The following ADI1 variants were observed in gnomAD, a reference collection of about 807,000 sequenced individuals.
The protein encoded by ADI1 is acireductone dioxygenase 1.
Under a neutral mutation model 18.7 loss-of-function variants are expected in ADI1, and 21 were observed. The ratio of observed to expected loss-of-function variants is 1.13; its 90% CI spans 0.80 to 1.62. The LOEUF (loss-of-function observed/expected upper bound fraction) is 1.62, where lower values mean the gene tolerates loss of function less well. ADI1 is among the 40% of genes most tolerant of loss of function. The pLI, the probability that ADI1 is intolerant of heterozygous loss-of-function variation, is 0.00. For missense variants in ADI1, 245 were observed against 254.9 expected (o/e 0.96, Z 0.26); for synonymous variants, 90 against 100.1 (o/e 0.90, Z 0.60).
intron 3 of ADI1, among the ~76,000 whole-genome samples, chr2:3,499,360 C>T (rs1255526627): frequency 2.0e-5 from 3 of 152,168 alleles, no homozygotes; most frequent in African/African-American, 7.2e-5. Flanking sequence ...TATAGAGACA[C>T]ACAGTCAGGA....
intron 3 of ADI1, 135 bp downstream of exon 3, chr2:3,500,679 G>A (rs770963158): frequency 3.2e-5 from 38 of 1,190,174 alleles, no homozygotes; most frequent in Non-Finnish European, 4.6e-5. Flanking sequence ...GACTCTCCTT[G>A]AAGCACAGGT....
intron 1 of ADI1, among the ~76,000 whole-genome samples, chr2:3,518,283 G>A (rs188177562): frequency 6.6e-6 from 1 of 152,130 alleles, no homozygotes; most frequent in Non-Finnish European, 1.5e-5. Context: ...AGATTATGCT[G>A]GAATATTCTA....
At chr2:3,519,279 G>A in intron 1 of ADI1, 89 bp downstream of exon 1, 2 of 1,308,540 alleles carry the variant, frequency 1.5e-6, no homozygotes, top group Non-Finnish European at 9.7e-7. Flanking sequence ...CTCCCAGGCC[G>A]CTGCCCGGCA....
chr2:3,500,545 C>T (rs895866725), intron 3 of ADI1: 1 of 454,788 alleles, frequency 2.2e-6, no homozygotes, highest in Non-Finnish European at 3.7e-6. Flanking sequence ...ATGTACCTGC[C>T]GCCGCCTGTA....
intron 1 of ADI1, among the ~76,000 whole-genome samples, chr2:3,518,025 A>C (rs1405542088): frequency 6.6e-6 from 1 of 152,342 alleles, no homozygotes; most frequent in East Asian, 1.9e-4. Context: ...TATTAATTTG[A>C]ACCCTCTGGT....
chr2:3,514,126 G>T, intron 1 of ADI1, 150 bp from the exon 2 acceptor site: 3 of 947,422 alleles, frequency 3.2e-6, no homozygotes, highest in South Asian at 1.9e-5. Context: ...ATCTCCTCTA[G>T]CCATTTAATG....
intron 2 of ADI1, 43 bp from the exon 3 acceptor site, chr2:3,501,036 TCACGCA>T (rs1666993818): frequency 6.6e-7 from 1 of 1,512,460 alleles, no homozygotes; most frequent in South Asian, 1.3e-5. Context: ...CAGAGACCTG[TCACGCA>T]AGCTCACACC....
At chr2:3,518,130 T>C (rs1367130567) in intron 1 of ADI1, among the ~76,000 whole-genome samples, 1 of 152,186 alleles carries the variant, frequency 6.6e-6, no homozygotes, top group Non-Finnish European at 1.5e-5. Context: ...AGAAGTACCC[T>C]CCAGCAAGGT....
intron 1 of ADI1, chr2:3,516,578 A>C: frequency 6.5e-5 from 19 of 292,772 alleles, no homozygotes; most frequent in Non-Finnish European, 9.1e-5. Flanking sequence ...CTATGAGGAC[A>C]GGATCCTCAT....
intron 3 of ADI1, chr2:3,500,509 GCT>G: frequency 3.3e-6 from 1 of 303,736 alleles, no homozygotes; most frequent in Non-Finnish European, 5.4e-6. Context: ...GCAGGGCCAG[GCT>G]CGTGGGTGTG....
At chr2:3,518,912 G>T (rs528805208) in intron 1 of ADI1, among the ~76,000 whole-genome samples, 1 of 152,176 alleles carries the variant, frequency 6.6e-6, no homozygotes, top group African/African-American at 2.4e-5. Context: ...TCCCGGCTGC[G>T]AGGCCCCTGA....
At chr2:3,510,084 G>A (rs34781041) in intron 2 of ADI1, among the ~76,000 whole-genome samples, 39,222 of 150,772 alleles carry the variant, frequency 0.26, 6,698 homozygotes, top group African/African-American at 0.49. Context: ...CGGAGGTTGC[G>A]GAGAGCCGAG....
At position 3,500,745 on chromosome 2, in the gene ADI1, A is replaced by G. The variant is rs754552307; in HGVS notation, c.420+69T>C. ...GGAGTCTGCGGAAGCCGCGCAGTTCAGCGGCAGAGATGCCACGGCCAGGGC... is the reference window on the plus strand; with the variant it reads ...GGAGTCTGCGGAAGCCGCGCAGTTCGGCGGCAGAGATGCCACGGCCAGGGC... On this transcript the variant is annotated intron_variant, in intron 3 of 3. Transcript: ENST00000327435. 2.4e-4 allele frequency: 385 copies of G among 1,598,798 alleles called. 1 individual carries two copies. Among genetic ancestry groups the G allele is most frequent in the Non-Finnish European group, 2.7e-4 (316 of 1,167,482 alleles).
intron 2 of ADI1, among the ~76,000 whole-genome samples, chr2:3,502,701 C>T (rs1667051956): frequency 1.3e-5 from 2 of 152,050 alleles, no homozygotes; most frequent in African/African-American, 2.4e-5. Context: ...CTGCCCACCT[C>T]AGTCTCCCAA....
rs1667462944 is a variant in ADI1, at chr2:3,518,722, G to C, written c.120+646C>G. Among the ~76,000 whole-genome samples, 3 of 152,236 alleles carry C rather than the reference G, an allele frequency of 2.0e-5. No homozygotes were observed. The South Asian group carries it at 6.2e-4, about 32-fold the overall frequency. ...CTCCCCCAGGACACTTTCAAGCGGA[G>C]TCCCCCTTCCTCCGATAGAAGAAAC... On this transcript the variant is annotated intron_variant, in intron 1 of 3. Transcript: ENST00000327435.
intron 2 of ADI1, among the ~76,000 whole-genome samples, chr2:3,504,430 C>T (rs1473290394): frequency 3.9e-5 from 6 of 152,332 alleles, no homozygotes; most frequent in South Asian, 2.1e-4. Context: ...TGAGATAAAA[C>T]GTGGCTGAGA....
At chr2:3,511,018 G>A (rs905092342) in intron 2 of ADI1, among the ~76,000 whole-genome samples, 4 of 152,188 alleles carry the variant, frequency 2.6e-5, no homozygotes, top group Non-Finnish European at 2.9e-5. Context: ...ATGTTAAATC[G>A]TAATTCTCAG....
At chr2:3,516,909 CTTTTTTG>C in intron 1 of ADI1, 3 of 984,848 alleles carry the variant, frequency 3.0e-6, no homozygotes, top group Non-Finnish European at 3.6e-6. Flanking sequence ...GTGTGTGTGG[CTTTTTTG>C]TTTTTTGGGT....
intron 3 of ADI1, chr2:3,500,499 G>GCGACAACCCTAGAGATGCCTCA: frequency 4.1e-6 from 2 of 491,082 alleles, no homozygotes; most frequent in South Asian, 5.1e-5. Flanking sequence ...AAGGGCTGGG[G>GCGACAACCCTAGAGATGCCTCA]CAGGGCCAGG....
Sources: gnomAD v4.1 joint callset for allele counts (sites outside exome capture counted in the v4.1 genomes callset) on GRCh38, gnomAD v4.1.1 for gene constraint, MANE v1.5 for transcripts, NCBI Gene and HGNC (gene_info 2026-07-23, HGNC 2026-07-21) for gene names.